The following HORMAD2 variants were observed in gnomAD, a reference collection of about 807,000 sequenced individuals.
HORMAD2 encodes the protein HORMA domain containing 2.
A neutral mutation model predicts 38.8 loss-of-function variants in HORMAD2; 45 were observed. The observed-to-expected ratio is 1.16, with a 90% CI of 0.91 to 1.49. The LOEUF is 1.49. Ranked by LOEUF, HORMAD2 falls within the 40% of genes most tolerant of loss-of-function variation. The pLI is 0.00. For missense variants in HORMAD2, 338 were observed against 367.0 expected (o/e 0.92, Z 0.65); for synonymous variants, 126 against 122.8 (o/e 1.03, Z -0.17).
chr22:30,097,379 ACTAT>A (rs1017745855), intron 2 of HORMAD2, among the ~76,000 whole-genome samples: 8 of 152,226 alleles, frequency 5.3e-5, no homozygotes, highest in African/African-American at 7.2e-5. Context: ...CTTAAGGAAG[ACTAT>A]CTAATCATTT....
the HORMAD2 span, among the ~76,000 whole-genome samples, chr22:30,195,357 C>A: frequency 1.3e-5 from 2 of 152,126 alleles, no homozygotes; most frequent in African/African-American, 4.8e-5. Context: ...ACTTGACATC[C>A]CAGTCTCATT....
chr22:30,123,162 G>A (rs917776907), intron 10 of HORMAD2, among the ~76,000 whole-genome samples: 1 of 152,038 alleles, frequency 6.6e-6, no homozygotes, highest in Non-Finnish European at 1.5e-5. Context: ...AACCAAACAA[G>A]TAACAGATTG....
chr22:30,115,854 C>A (rs1470564383), intron 7 of HORMAD2, among the ~76,000 whole-genome samples: 2 of 152,070 alleles, frequency 1.3e-5, no homozygotes, highest in Admixed American at 6.6e-5. Context: ...GGAGGCATCC[C>A]TGAGAGGCTA....
chr22:30,101,509 G>T (rs2146087869), intron 3 of HORMAD2, among the ~76,000 whole-genome samples: 1 of 151,726 alleles, frequency 6.6e-6, no homozygotes, highest in Middle Eastern at 3.4e-3. Flanking sequence ...CTAGATGATG[G>T]GTTGATGGTT....
chr22:30,134,959 C>T (rs1034344160), intron 10 of HORMAD2, among the ~76,000 whole-genome samples: 1 of 152,064 alleles, frequency 6.6e-6, no homozygotes, highest in Admixed American at 6.5e-5. Context: ...CAATTAATCC[C>T]AACAACAACT....
At chr22:30,112,350 A>G in intron 6 of HORMAD2, 146 bp from the exon 7 acceptor site, 1 of 550,120 alleles carries the variant, frequency 1.8e-6, no homozygotes, top group Non-Finnish European at 3.2e-6. Context: ...ACATTCACAA[A>G]ATAAGCATAT....
the HORMAD2 span, among the ~76,000 whole-genome samples, chr22:30,201,437 A>ACG: frequency 2.2e-5 from 3 of 139,452 alleles, no homozygotes; most frequent in South Asian, 2.3e-4. Context: ...TTTTTTTTCC[A>ACG]AGACGGATTC....
At chr22:30,185,639 G>T in the HORMAD2 span, among the ~76,000 whole-genome samples, 2 of 152,080 alleles carry the variant, frequency 1.3e-5, no homozygotes, top group Non-Finnish European at 2.9e-5. Context: ...TAACAGTTCT[G>T]GTGGAAACTG....
At chr22:30,201,864 AG>A in the HORMAD2 span, among the ~76,000 whole-genome samples, 11 of 152,292 alleles carry the variant, frequency 7.2e-5, no homozygotes, top group African/African-American at 1.9e-4. Flanking sequence ...GTCCTGATAA[AG>A]GTGGCCACAC....
chr22:30,102,675 A>C (rs1012913834), intron 3 of HORMAD2, among the ~76,000 whole-genome samples: 1 of 152,190 alleles, frequency 6.6e-6, no homozygotes, highest in African/African-American at 2.4e-5. Flanking sequence ...TCCGGGCTGG[A>C]GTGTGGCGGC....
intron 10 of HORMAD2, among the ~76,000 whole-genome samples, chr22:30,163,436 T>A (rs9614151): frequency 6.6e-6 from 1 of 152,102 alleles, no homozygotes. Flanking sequence ...TCTTTTTTTG[T>A]TTTTTTGAGA....
At chr22:30,137,006 A>C (rs917284367) in intron 10 of HORMAD2, 1 of 468,582 alleles carries the variant, frequency 2.1e-6, no homozygotes, top group Admixed American at 3.3e-5. Context: ...AATTGTAAGA[A>C]GTCTTCCATG....
At chr22:30,088,269 A>C (rs1405408314) in intron 1 of HORMAD2, among the ~76,000 whole-genome samples, 1 of 150,578 alleles carries the variant, frequency 6.6e-6, no homozygotes, top group African/African-American at 2.4e-5. Context: ...ATATACATAT[A>C]TACACACATA....
chr22:30,078,135 G>A (rs1241767980), upstream of HORMAD2, among the ~76,000 whole-genome samples: 1 of 152,164 alleles, frequency 6.6e-6, no homozygotes, highest in African/African-American at 2.4e-5. Flanking sequence ...CTCCACAGAA[G>A]CTCTTCGGAG....
chr22:30,100,475 A>G (rs1425753027), intron 3 of HORMAD2, among the ~76,000 whole-genome samples: 1 of 152,230 alleles, frequency 6.6e-6, no homozygotes, highest in African/African-American at 2.4e-5. Flanking sequence ...CTAAAACCAT[A>G]AAAACCCTAG....
At chr22:30,109,150 G>A (rs1482604442) in intron 5 of HORMAD2, among the ~76,000 whole-genome samples, 2 of 148,854 alleles carry the variant, frequency 1.3e-5, no homozygotes, top group East Asian at 2.0e-4. Flanking sequence ...TCAGCCTCCC[G>A]AGTAGCTGGG....
rs968813730 is a variant in HORMAD2 at position 30,102,683 on chromosome 22, G to A, written c.194-754G>A. On this transcript the variant is annotated intron_variant, in intron 3 of 10. Coordinates refer to ENST00000336726, the MANE Select transcript of HORMAD2 (RefSeq NM_152510.4). ...TTCATTGTCCGGGCTGGAGTGTGGC[G>A]GCATGATCATTACAGGATTACAGCT... is the stretch of plus-strand genomic sequence containing the variant. Among the ~76,000 whole-genome samples, 7 of 152,212 alleles carry A rather than the reference G, an allele frequency of 4.6e-5. No individual in the cohort carries two copies. In the East Asian group the frequency reaches 1.4e-3, roughly 29 times the overall value.
chr22:30,176,250 A>T lies in HORMAD2; in HGVS notation c.*83A>T. On this transcript the variant is annotated 3_prime_UTR_variant, in exon 11 of 11. Coordinates refer to ENST00000336726, the MANE Select transcript of HORMAD2 (RefSeq NM_152510.4). Reference sequence around the variant, plus strand: ...ATAAACTGTCTTAGCAGGAAAGTACATTCCTGTTACCAAAACCTTTTTCTA... The same window carrying T: ...ATAAACTGTCTTAGCAGGAAAGTACTTTCCTGTTACCAAAACCTTTTTCTA... The T allele has an allele frequency of 1.1e-6, 1 of 944,850 alleles. No homozygotes were observed. Among genetic ancestry groups the T allele is most frequent in the Non-Finnish European group, 1.6e-6 (1 of 635,328 alleles). The allele number at this position is 944,850 out of a possible 1,614,324, so 58.5% of individuals were successfully genotyped here.
At chr22:30,207,361 C>CA in the HORMAD2 span, among the ~76,000 whole-genome samples, 1 of 152,132 alleles carries the variant, frequency 6.6e-6, no homozygotes, top group Non-Finnish European at 1.5e-5. Flanking sequence ...GGCAAGAAAC[C>CA]ACTGATTAGG....
Sources: gnomAD v4.1 joint callset for allele counts (sites outside exome capture counted in the v4.1 genomes callset) on GRCh38, gnomAD v4.1.1 for gene constraint, MANE v1.5 for transcripts, NCBI Gene and HGNC (gene_info 2026-07-23, HGNC 2026-07-21) for gene names.